HSPA4: variants seen among roughly 807,000 people sequenced by gnomAD.
The protein encoded by HSPA4 is heat shock 70 kDa protein 4.
Under a neutral mutation model 106.2 loss-of-function variants are expected in HSPA4, and 25 were observed. The ratio of observed to expected loss-of-function variants is 0.24; its 90% confidence interval spans 0.17 to 0.33. The LOEUF is 0.33. Ranked by LOEUF, HSPA4 falls within the 10% of genes least tolerant of loss-of-function variation. The pLI is 1.00. For missense variants in HSPA4, 841 were observed against 996.0 expected (o/e 0.84, Z 2.10); for synonymous variants, 332 against 333.6 (o/e 1.00, Z 0.05).
chr5:133,076,526 G>A (rs1765447577), intron 6 of HSPA4, 128 bp from the exon 7 acceptor site: 1 of 749,068 alleles, frequency 1.3e-6, no homozygotes, highest in South Asian at 1.9e-5. Context: ...TGTATACATT[G>A]CTTTGTTTTA....
intron 15 of HSPA4, among the ~76,000 whole-genome samples, chr5:133,098,674 A>AT (rs1201767350): frequency 2.1e-5 from 3 of 145,298 alleles, no homozygotes; most frequent in Non-Finnish European, 4.6e-5. Context: ...AGTTGTTTTT[A>AT]TTTTTTTATT....
chr5:133,086,505 T>G (rs1167753453), intron 7 of HSPA4, among the ~76,000 whole-genome samples: 1 of 152,244 alleles, frequency 6.6e-6, no homozygotes, highest in African/African-American at 2.4e-5. Flanking sequence ...CAGTTTTGTG[T>G]GTGAACATGT....
In HSPA4 at chr5:133,052,113, A is replaced by C; in HGVS notation, c.-138A>C. ...GTTGCAGTACCCACTGGAAGGACTT[A>C]GGCGCTCGCGTGGACACCGCAAGCC... is the stretch of plus-strand genomic sequence containing the variant. On this transcript the variant is annotated 5_prime_UTR_variant, in exon 1 of 19. Coordinates refer to ENST00000304858, the MANE Select transcript of HSPA4 (RefSeq NM_002154.4). The C allele has an allele frequency of 1.6e-6, 1 of 623,986 alleles. No individual in the cohort carries two copies. The highest frequency in any genetic ancestry group is 2.8e-5 in the Admixed American group (1 of 35,594). The allele number at this position is 623,986 out of a possible 1,614,324, so 38.7% of individuals were successfully genotyped here. A position where few individuals can be genotyped will look rare whatever the true frequency, so the allele number is the denominator to read the frequency against.
chr5:133,065,037 G>A lies in HSPA4; in HGVS notation c.165G>A (p.Gln55=). The A allele has an allele frequency of 6.2e-7, 1 of 1,613,562 alleles. No individual in the cohort carries two copies. The highest frequency in any genetic ancestry group is 8.5e-7 in the Non-Finnish European group (1 of 1,179,606). The change falls in exon 2 of 19, where the codon CAG becomes CAA. Residue 55 remains glutamine (Q), a splice_region_variant and synonymous_variant. Coordinates refer to ENST00000304858, the MANE Select transcript of HSPA4 (RefSeq NM_002154.4). ...NRSIGAAAKS[Q]VISNAKNTVQ... is the part of the protein sequence containing the mutation. ...CAATTGGAGCAGCAGCTAAAAGCCA[G>A]GTAAAGTTTCATTTTTTTCCTAAAA... is the stretch of plus-strand genomic sequence containing the variant.
chr5:133,078,266 A>T (rs1348804854), intron 7 of HSPA4, among the ~76,000 whole-genome samples: 1 of 151,758 alleles, frequency 6.6e-6, no homozygotes, highest in African/African-American at 2.4e-5. Context: ...TGGGAGGTGT[A>T]GCTTGCAGTG....
chr5:133,090,008 T>A (rs550433957), intron 11 of HSPA4, among the ~76,000 whole-genome samples: 1 of 152,346 alleles, frequency 6.6e-6, no homozygotes, highest in South Asian at 2.1e-4. Flanking sequence ...GTTATTTAAT[T>A]GGATCTCCCA....
At chr5:133,062,746 C>T (rs1460689056) in intron 1 of HSPA4, among the ~76,000 whole-genome samples, 1 of 152,078 alleles carries the variant, frequency 6.6e-6, no homozygotes, top group Admixed American at 6.6e-5. Context: ...TAGGGTGTAC[C>T]ATGTTTGTTC....
intron 8 of HSPA4, among the ~76,000 whole-genome samples, chr5:133,087,380 T>C (rs1581476486): frequency 6.6e-6 from 1 of 152,076 alleles, no homozygotes; most frequent in East Asian, 1.9e-4. Context: ...TTTCAGAGTG[T>C]TGGGATATAC....
chr5:133,079,201 A>G (rs1389841575), intron 7 of HSPA4, among the ~76,000 whole-genome samples: 1 of 152,232 alleles, frequency 6.6e-6, no homozygotes, highest in African/African-American at 2.4e-5. Flanking sequence ...GAATTTAGTA[A>G]ATTCACAGGG....
chr5:133,056,315 C>T (rs1254597397), intron 1 of HSPA4, among the ~76,000 whole-genome samples: 1 of 151,848 alleles, frequency 6.6e-6, no homozygotes, highest in Non-Finnish European at 1.5e-5. Flanking sequence ...TTAGGCAGAG[C>T]CTTGTAAATA....
intron 11 of HSPA4, 140 bp from the exon 12 acceptor site, chr5:133,091,053 A>G (rs771471905): frequency 1.3e-6 from 1 of 773,968 alleles, no homozygotes; most frequent in African/African-American, 1.7e-5. Context: ...AGATTCTAAA[A>G]GGACCGATTT....
At chr5:133,065,467 G>C (rs1765295566) in intron 2 of HSPA4, among the ~76,000 whole-genome samples, 1 of 152,154 alleles carries the variant, frequency 6.6e-6, no homozygotes, top group African/African-American at 2.4e-5. Flanking sequence ...AATTCAAGGA[G>C]TGCCCTGGAA....
intron 1 of HSPA4, among the ~76,000 whole-genome samples, 172 bp from the exon 2 acceptor site, chr5:133,064,808 G>GTC (rs1376310398): frequency 2.0e-5 from 3 of 152,178 alleles, no homozygotes; most frequent in Non-Finnish European, 4.4e-5. Context: ...GGACTCAGTT[G>GTC]TAAGAGGCAA....
At chr5:133,065,078 C>T (rs1355448763) in intron 2 of HSPA4, 41 bp downstream of exon 2, 1 of 1,541,092 alleles carries the variant, frequency 6.5e-7, no homozygotes, top group African/African-American at 1.4e-5. Context: ...TATTTCTCCT[C>T]TTCATCCATG....
At chr5:133,088,936 T>C (rs1371324617) in intron 9 of HSPA4, 119 bp from the exon 10 acceptor site, 2 of 531,346 alleles carry the variant, frequency 3.8e-6, no homozygotes, top group African/African-American at 3.8e-5. Flanking sequence ...ATTAAATTAC[T>C]AATATAAATA....
intron 11 of HSPA4, among the ~76,000 whole-genome samples, chr5:133,089,897 G>T (rs956064038): frequency 1.3e-5 from 2 of 152,090 alleles, no homozygotes; most frequent in Non-Finnish European, 2.9e-5. Flanking sequence ...AGTTCGCATA[G>T]TAGAAAGAAC....
At chr5:133,080,428 A>C (rs1024824237) in intron 7 of HSPA4, among the ~76,000 whole-genome samples, 8 of 151,160 alleles carry the variant, frequency 5.3e-5, no homozygotes, top group Admixed American at 6.6e-5. Flanking sequence ...AAAAAAAAAA[A>C]AAAAAAAAAA....
intron 14 of HSPA4, 107 bp from the exon 15 acceptor site, chr5:133,097,054 C>T: frequency 1.2e-6 from 1 of 837,690 alleles, no homozygotes; most frequent in Non-Finnish European, 1.8e-6. Context: ...ACTTGCAGAA[C>T]TAAAAGGATT....
Position 133,065,116 on chromosome 5 carries a change from A to G in HSPA4, c.165+79A>G, listed in dbSNP as rs886157986. The G allele has an allele frequency of 3.4e-6, 4 of 1,191,076 alleles. No homozygotes were observed. The East Asian group carries it at 7.0e-5, about 21-fold the overall frequency. The allele number at this position is 1,191,076 out of a possible 1,614,324, so 73.8% of individuals were successfully genotyped here. A position where few individuals can be genotyped will look rare whatever the true frequency, so the allele number is the denominator to read the frequency against. On this transcript the variant is annotated intron_variant, in intron 2 of 18. Transcript: ENST00000304858. The stretch of plus-strand genomic sequence containing the variant: ...TTCAGCAAGTAGTTGAATGCCCATT[A>G]TGTGCCTAACACTGGTAGGCCTTGG...
Sources: allele counts gnomAD v4.1 joint callset (sites outside exome capture counted in the v4.1 genomes callset), GRCh38; gene constraint gnomAD v4.1.1; transcripts MANE v1.5; gene names NCBI Gene and HGNC (gene_info 2026-07-23, HGNC 2026-07-21).